The following ASNS variants were observed in gnomAD, a reference collection of about 807,000 sequenced individuals.
ASNS encodes asparagine synthetase (glutamine-hydrolyzing), also known as asparagine synthetase [glutamine-hydrolyzing].
Under a neutral mutation model 62.6 loss-of-function variants are expected in ASNS, and 37 were observed. The observed-to-expected ratio is 0.59, with a 90% confidence interval of 0.45 to 0.78. The LOEUF (loss-of-function observed/expected upper bound fraction) is 0.78. Ranked by LOEUF, ASNS falls within the 30% of genes least tolerant of loss-of-function variation. ASNS has a pLI of 0.00. For synonymous variants in ASNS, 207 were observed against 237.9 expected (o/e 0.87, Z 1.19); for missense variants, 520 against 682.4 (o/e 0.76, Z 2.65).
At chr7:97,910,352 G>C in the ASNS span, among the ~76,000 whole-genome samples, 1 of 152,076 alleles carries the variant, frequency 6.6e-6, no homozygotes, top group African/African-American at 2.4e-5. Context: ...GGCACTAAAA[G>C]AAACCTATAA....
upstream of ASNS, among the ~76,000 whole-genome samples, chr7:97,874,431 G>A (rs1432794095): frequency 6.6e-6 from 1 of 152,030 alleles, no homozygotes; most frequent in Non-Finnish European, 1.5e-5. Context: ...CATCCTTCTC[G>A]GCTGACAGGA....
At chr7:97,896,625 TA>T in the ASNS span, among the ~76,000 whole-genome samples, 1 of 129,670 alleles carries the variant, frequency 7.7e-6, no homozygotes, top group Non-Finnish European at 1.6e-5. Context: ...ACCACATATA[TA>T]TATGTATATA....
the ASNS span, among the ~76,000 whole-genome samples, chr7:97,890,086 A>C: frequency 6.6e-6 from 1 of 152,020 alleles, no homozygotes; most frequent in Non-Finnish European, 1.5e-5. Context: ...AGCTTTAACA[A>C]TAGACTAGAT....
At chr7:97,886,222 A>G in the ASNS span, 6 of 237,042 alleles carry the variant, frequency 2.5e-5, no homozygotes, top group Non-Finnish European at 3.4e-5. Flanking sequence ...ATCTCAGCTC[A>G]CTGAAACCTC....
chr7:97,919,044 G>C, the ASNS span, among the ~76,000 whole-genome samples: 1 of 152,162 alleles, frequency 6.6e-6, no homozygotes, highest in Non-Finnish European at 1.5e-5. Context: ...TCAAGAGGAT[G>C]TTTTGTTTTT....
the ASNS span, among the ~76,000 whole-genome samples, chr7:97,889,919 A>G: frequency 7.2e-6 from 1 of 138,272 alleles, no homozygotes; most frequent in Non-Finnish European, 1.6e-5. Context: ...GAACACAGAT[A>G]ATGAATACAA....
chr7:97,872,752 A>AAAGCT (rs1349490081), upstream of ASNS, among the ~76,000 whole-genome samples: 1 of 152,236 alleles, frequency 6.6e-6, no homozygotes, highest in African/African-American at 2.4e-5. Flanking sequence ...AGTGCAGAGA[A>AAAGCT]AAGCTTGTCC....
At position 97,862,831 on chromosome 7, in the gene ASNS, T is replaced by C. The variant is rs543617949; in HGVS notation, c.487+1428A>G. On this transcript the variant is annotated intron_variant, in intron 4 of 12. Coordinates refer to ENST00000394308, the MANE Select transcript of ASNS (RefSeq NM_001673.5). ...AATGATCCCTAACAGGAAAAAAAAA[T>C]GGCAAAGGATCTGAACAAATATTTC... Among the ~76,000 whole-genome samples the C allele has an allele frequency of 1.4e-3, 206 of 149,332 alleles. 2 individuals carry two copies. In the South Asian group the frequency reaches 0.034, roughly 24 times the overall value.
chr7:97,869,035 G>C lies in ASNS; in HGVS notation c.122C>G (p.Thr41Ser). 1 of 1,614,168 alleles carries C rather than the reference G, an allele frequency of 6.2e-7. No homozygotes were observed. The part of the protein sequence containing the change: ...AFRFENVNGY[T>S]NCCFGFHRLA... Reference sequence around the variant, plus strand: ...CCGGTGAAATCCAAAGCAGCAGTTGGTGTATCCATTGACATTCTCAAAACG... The same window carrying C: ...CCGGTGAAATCCAAAGCAGCAGTTGCTGTATCCATTGACATTCTCAAAACG... Residue 41 changes from threonine (T) to serine (S), a missense_variant, in exon 3 of 13, where the codon ACC becomes AGC. Transcript: ENST00000394308.
rs1140424 is a variant in ASNS, at chr7:97,854,599, G to T, written c.1219C>A (p.Arg407=). The T allele has an allele frequency of 1.2e-6, 2 of 1,613,900 alleles. No homozygotes were observed. The highest frequency in any genetic ancestry group is 1.7e-6 in the Non-Finnish European group (2 of 1,179,958). The part of the protein sequence containing the change: ...LYLFDVLRAD[R]TTAAHGLELR... ...TATTACCCATGGGCAGCAGTAGTTCGATCTGCGCGGAGAACATCAAACAAA... is the reference window on the plus strand; with the variant it reads ...TATTACCCATGGGCAGCAGTAGTTCTATCTGCGCGGAGAACATCAAACAAA... The change falls in exon 10 of 13, where the codon CGA becomes AGA. Residue 407 remains arginine, a synonymous_variant. Coordinates refer to ENST00000394308, the MANE Select transcript of ASNS (RefSeq NM_001673.5).
At chr7:97,875,672 G>A (rs149467602), upstream of ASNS, among the ~76,000 whole-genome samples, 196 of 152,274 alleles carry the variant, frequency 1.3e-3, 2 homozygotes, top group African/African-American at 3.9e-3. Context: ...TGGACAAAAC[G>A]GATCACAGAG....
chr7:97,915,122 G>A, the ASNS span, among the ~76,000 whole-genome samples: 1 of 152,184 alleles, frequency 6.6e-6, no homozygotes, highest in African/African-American at 2.4e-5. Flanking sequence ...CTAAAGGCAA[G>A]TCAGAAAAAC....
chr7:97,895,419 A>T, the ASNS span, among the ~76,000 whole-genome samples: 1 of 152,244 alleles, frequency 6.6e-6, no homozygotes, highest in Non-Finnish European at 1.5e-5. Context: ...GGACAAAAGG[A>T]GGTCAAATTG....
At chr7:97,908,298 A>G in the ASNS span, 54 of 152,334 alleles carry the variant, frequency 3.5e-4, no homozygotes, top group African/African-American at 1.2e-3. Context: ...GTTCATGACC[A>G]ATCGACCGCT....
At chr7:97,924,955 G>A in the ASNS span, among the ~76,000 whole-genome samples, 3 of 152,148 alleles carry the variant, frequency 2.0e-5, no homozygotes, top group Non-Finnish European at 4.4e-5. Flanking sequence ...TGGACAACAT[G>A]GTGAAACCCC....
the ASNS span, among the ~76,000 whole-genome samples, chr7:97,891,077 A>T: frequency 4.6e-5 from 7 of 151,428 alleles, no homozygotes; most frequent in South Asian, 2.1e-4. Flanking sequence ...AGACTGGGCA[A>T]TTTACAAAAG....
chr7:97,897,153 T>C, the ASNS span, among the ~76,000 whole-genome samples: 1 of 152,078 alleles, frequency 6.6e-6, no homozygotes, highest in Admixed American at 6.6e-5. Flanking sequence ...AACAGACAAA[T>C]GGGATTATAT....
chr7:97,887,218 C>T, the ASNS span, among the ~76,000 whole-genome samples: 3 of 152,166 alleles, frequency 2.0e-5, no homozygotes, highest in Non-Finnish European at 4.4e-5. Flanking sequence ...TGGAGTCGGC[C>T]GTGCACAATT....
At chr7:97,896,767 T>TATATATATATATATATATATATAC in the ASNS span, among the ~76,000 whole-genome samples, 1 of 113,174 alleles carries the variant, frequency 8.8e-6, no homozygotes. Context: ...TATATATATA[T>TATATATATATATATATATATATAC]ATACTGCAAA....
Sources: allele counts gnomAD v4.1 joint callset (sites outside exome capture counted in the v4.1 genomes callset), GRCh38; gene constraint gnomAD v4.1.1; transcripts MANE v1.5; gene names NCBI Gene and HGNC (gene_info 2026-07-23, HGNC 2026-07-21).